Variants in FBXO10 observed in about 807,000 individuals in gnomAD.
FBXO10 encodes F-box protein 10, also known as F-box only protein 10.
FBXO10 carries 39 observed loss-of-function variants against 80.7 expected under a neutral mutation model. The observed-to-expected ratio is 0.48, with a 90% CI of 0.37 to 0.63. FBXO10 has a LOEUF of 0.63. Among genes scored for constraint, FBXO10 ranks in the 30% least tolerant of loss-of-function variants. FBXO10 has a pLI of 0.00. For missense variants in FBXO10, 1,025 were observed against 1,269.0 expected (o/e 0.81, Z 2.92); for synonymous variants, 449 against 489.6 (o/e 0.92, Z 1.09).
intron 1 of FBXO10, among the ~76,000 whole-genome samples, chr9:37,546,112 C>T (rs528772419): frequency 6.6e-6 from 1 of 151,300 alleles, no homozygotes; most frequent in East Asian, 1.9e-4. Flanking sequence ...CACCACTGCA[C>T]TCCAGCCAGA....
chr9:37,516,969 A>AAC (rs1484842467), intron 9 of FBXO10, among the ~76,000 whole-genome samples: 5 of 150,970 alleles, frequency 3.3e-5, no homozygotes, highest in East Asian at 3.9e-4. Flanking sequence ...TCAAAAAAAA[A>AAC]AAAAACAAAA....
At chr9:37,528,208 G>A (rs532691919) in intron 5 of FBXO10, among the ~76,000 whole-genome samples, 37 of 152,266 alleles carry the variant, frequency 2.4e-4, no homozygotes, top group African/African-American at 8.9e-4. Context: ...GTCTACATAA[G>A]GCCTTCCTCA....
chr9:37,543,099 C>T (rs978064012), intron 1 of FBXO10, among the ~76,000 whole-genome samples: 49 of 152,320 alleles, frequency 3.2e-4, no homozygotes, highest in African/African-American at 1.1e-3. Flanking sequence ...ACTGCTGAGT[C>T]AGATGCTGTG....
chr9:37,536,008 G>A (rs1821756648), intron 3 of FBXO10: 1 of 152,092 alleles, frequency 6.6e-6, no homozygotes, highest in African/African-American at 2.4e-5. Flanking sequence ...CTTTTTATTT[G>A]GCCATTTTCT....
chr9:37,517,131 C>A (rs917567199), intron 9 of FBXO10, among the ~76,000 whole-genome samples: 6 of 152,146 alleles, frequency 3.9e-5, no homozygotes, highest in Non-Finnish European at 7.4e-5. Flanking sequence ...TCCTTACTTG[C>A]TCACTACTTA....
intron 6 of FBXO10, 127 bp downstream of exon 6, chr9:37,524,975 G>A (rs1588829150): frequency 2.5e-6 from 2 of 794,586 alleles, no homozygotes; most frequent in East Asian, 2.8e-5. Context: ...CTGAGCTCCA[G>A]CCCACCAGTC....
chr9:37,528,029 G>T (rs1051139163), intron 5 of FBXO10, among the ~76,000 whole-genome samples: 2 of 152,226 alleles, frequency 1.3e-5, no homozygotes, highest in African/African-American at 4.8e-5. Context: ...ACAACATGGA[G>T]ACAAAGTACC....
chr9:37,571,655 G>A (rs1306507483), intron 1 of FBXO10, among the ~76,000 whole-genome samples: 1 of 145,366 alleles, frequency 6.9e-6, no homozygotes, highest in Non-Finnish European at 1.5e-5. Flanking sequence ...TCTATTTTAT[G>A]CCCTGCTTCT....
At chr9:37,540,425 C>T (rs1821881818) in intron 2 of FBXO10, among the ~76,000 whole-genome samples, 1 of 152,110 alleles carries the variant, frequency 6.6e-6, no homozygotes. Context: ...GATCCACCTG[C>T]CTCGGCCTCC....
intron 1 of FBXO10, among the ~76,000 whole-genome samples, chr9:37,573,331 G>A (rs1434723858): frequency 6.6e-6 from 1 of 152,168 alleles, no homozygotes; most frequent in African/African-American, 2.4e-5. Flanking sequence ...CCAGCCTGGT[G>A]AAAAGCTCAA....
intron 1 of FBXO10, among the ~76,000 whole-genome samples, chr9:37,548,970 A>G (rs1221113805): frequency 6.6e-6 from 1 of 152,026 alleles, no homozygotes; most frequent in African/African-American, 2.4e-5. Flanking sequence ...GGATGGTCTC[A>G]ATCTCCTGAC....
In FBXO10 at chr9:37,549,794, G is replaced by A. The variant is rs556356150; in HGVS notation, c.-6-8020C>T. On this transcript the variant is annotated intron_variant, in intron 1 of 10. Transcript: ENST00000432825. ...ATGCTGGCACTGGATCCAGAGGCTT[G>A]CTCAAACCCAGGTTCAACCCCTTTA... Among the ~76,000 whole-genome samples, 252 of 152,292 alleles carry A rather than the reference G, an allele frequency of 1.7e-3. 5 individuals carry two copies. The highest frequency in any genetic ancestry group is 8.4e-4 in the Non-Finnish European group (57 of 68,020).
chr9:37,560,216 G>A (rs1182245267), intron 1 of FBXO10, among the ~76,000 whole-genome samples: 1 of 152,190 alleles, frequency 6.6e-6, no homozygotes, highest in Non-Finnish European at 1.5e-5. Context: ...GTGAGGGCAG[G>A]AACTCACAAT....
chr9:37,516,364 G>A (rs1033768237), intron 9 of FBXO10, among the ~76,000 whole-genome samples: 1 of 152,174 alleles, frequency 6.6e-6, no homozygotes, highest in African/African-American at 2.4e-5. Context: ...CTGGCAGAGA[G>A]GGGAGGCAGT....
At chr9:37,529,578 C>T (rs1001978106) in intron 4 of FBXO10, among the ~76,000 whole-genome samples, 3 of 152,206 alleles carry the variant, frequency 2.0e-5, no homozygotes, top group African/African-American at 7.2e-5. Context: ...CCCCTAAACA[C>T]ATAATCATTT....
chr9:37,546,908 T>C (rs1020466391), intron 1 of FBXO10, among the ~76,000 whole-genome samples: 1 of 152,180 alleles, frequency 6.6e-6, no homozygotes, highest in Admixed American at 6.5e-5. Context: ...CTCAAACTTC[T>C]GACCTCAAGT....
intron 7 of FBXO10, 143 bp downstream of exon 7, chr9:37,522,682 C>T (rs761323274): frequency 6.3e-5 from 73 of 1,166,428 alleles, no homozygotes; most frequent in Non-Finnish European, 7.9e-5. Context: ...CTGGGAGGGC[C>T]TGGGTGACTG....
chr9:37,537,448 T>G lies in FBXO10; in HGVS notation c.1081A>C (p.Ser361Arg). 6.2e-7 allele frequency: 1 copy of G among 1,604,346 alleles called. No homozygotes were observed. Among genetic ancestry groups the G allele is most frequent in the Non-Finnish European group, 8.5e-7 (1 of 1,175,322 alleles). Residue 361 changes from serine to arginine, a missense_variant, in exon 3 of 11, where the codon AGC becomes CGC. Ser to Arg is a moderately radical substitution (Grantham distance 110). Transcript: ENST00000432825. ...TGGTCCTCATCTTCATCCTCACCGCTGGGACTCAGGCCTCCATCGCTGCTG... is the reference window on the plus strand; with the variant it reads ...TGGTCCTCATCTTCATCCTCACCGCGGGGACTCAGGCCTCCATCGCTGCTG... ...PDSSDGGLSP[S>R]GEDEDEDQLM...
intron 1 of FBXO10, among the ~76,000 whole-genome samples, chr9:37,564,710 T>G (rs2119185907): frequency 6.6e-6 from 1 of 152,312 alleles, no homozygotes; most frequent in Non-Finnish European, 1.5e-5. Context: ...ATCTCTCCCA[T>G]TTGGAGTGGG....
Sources: gnomAD v4.1 joint callset for allele counts (sites outside exome capture counted in the v4.1 genomes callset) on GRCh38, gnomAD v4.1.1 for gene constraint, MANE v1.5 for transcripts, NCBI Gene and HGNC (gene_info 2026-07-23, HGNC 2026-07-21) for gene names.